The following CEP70 variants were observed in gnomAD, a reference collection of about 807,000 sequenced individuals.
The protein encoded by CEP70 is centrosomal protein of 70 kDa.
In CEP70, 70 loss-of-function variants were observed where a neutral mutation model predicts 90.9. The observed-to-expected ratio is 0.77, with a 90% CI of 0.64 to 0.94. CEP70 has a LOEUF of 0.94. Ranked by LOEUF, CEP70 falls within the 40% of genes least tolerant of loss-of-function variation. CEP70 has a pLI of 0.00. For synonymous variants in CEP70, 220 were observed against 228.3 expected, an observed-to-expected ratio of 0.96 and a Z score of 0.33; for missense variants, 648 against 669.0, an observed-to-expected ratio of 0.97 and a Z score of 0.35.
intron 17 of CEP70, chr3:138,496,132 T>C (rs933647458): frequency 9.1e-6 from 9 of 985,364 alleles, no homozygotes; most frequent in Non-Finnish European, 1.1e-5. Flanking sequence ...TAAGCCACAA[T>C]GGCAGGTTCT....
intron 11 of CEP70, among the ~76,000 whole-genome samples, chr3:138,509,703 T>C (rs2035341024): frequency 6.6e-6 from 1 of 152,148 alleles, no homozygotes. Context: ...TATTTTTTTT[T>C]AATGCTCACT....
intron 7 of CEP70, among the ~76,000 whole-genome samples, chr3:138,536,205 T>C (rs947065246): frequency 1.3e-5 from 2 of 152,106 alleles, no homozygotes; most frequent in African/African-American, 4.8e-5. Context: ...ATGTATATAA[T>C]ATCCATACTA....
intron 11 of CEP70, 67 bp from the exon 12 acceptor site, chr3:138,508,611 C>CT: frequency 1.0e-6 from 1 of 999,176 alleles, no homozygotes; most frequent in East Asian, 2.4e-5. Flanking sequence ...AGATGATAAA[C>CT]TAAGTCAATG....
intron 6 of CEP70, among the ~76,000 whole-genome samples, chr3:138,550,935 T>C (rs779064007): frequency 5.9e-5 from 9 of 152,192 alleles, no homozygotes; most frequent in Non-Finnish European, 1.3e-4. Context: ...TCTAAAAGTT[T>C]GGAAAACGTC....
intron 6 of CEP70, among the ~76,000 whole-genome samples, chr3:138,538,724 ATTCTTT>A (rs1192112831): frequency 1.3e-5 from 2 of 152,028 alleles, no homozygotes; most frequent in Non-Finnish European, 2.9e-5. Flanking sequence ...AAGAATCCTT[ATTCTTT>A]TTCTTTTTTT....
At chr3:138,534,699 A>T (rs574810416) in intron 7 of CEP70, among the ~76,000 whole-genome samples, 66 of 152,252 alleles carry the variant, frequency 4.3e-4, no homozygotes, top group African/African-American at 1.5e-3. Flanking sequence ...CTTTCTCTAT[A>T]TGGACTTTGG....
intron 11 of CEP70, among the ~76,000 whole-genome samples, chr3:138,523,100 A>C (rs2036840567): frequency 6.6e-6 from 1 of 152,234 alleles, no homozygotes; most frequent in Non-Finnish European, 1.5e-5. Flanking sequence ...AATCCGGCAT[A>C]TAAACAGAAC....
chr3:138,571,121 A>G lies in CEP70; in HGVS notation c.197T>C (p.Met66Thr), dbSNP rs987091184. ...CACCAACAATTTCAAATTCTGTCTC[A>G]TCCTTTGTGATGACTGTTTGTCAAA... Reference protein sequence around the residue: ...IIFDKQSSQRMRQNLKLLVEE... With the variant: ...IIFDKQSSQRTRQNLKLLVEE... Residue 66 changes from methionine (M) to threonine (T), a missense_variant, in exon 5 of 18, where the codon ATG becomes ACG. Physicochemically the swap from Met to Thr is moderately conservative, Grantham distance 81. Transcript: ENST00000264982. 7 of 1,600,586 alleles carry G rather than the reference A, an allele frequency of 4.4e-6. No individual in the cohort carries two copies. The African/African-American group carries it at 6.7e-5, about 15-fold the overall frequency.
chr3:138,568,980 T>TTTTTTTAAAAACAGACAAA (rs1231751423), intron 6 of CEP70, among the ~76,000 whole-genome samples: 1 of 148,788 alleles, frequency 6.7e-6, no homozygotes, highest in African/African-American at 2.5e-5. Context: ...TGAGACTCTG[T>TTTTTTTAAAAACAGACAAA]CTAAAAAAAC....
Position 138,500,408 on chromosome 3 carries a change from A to T in CEP70, c.1528T>A (p.Leu510Ile), listed in dbSNP as rs905112903. 15 of 1,584,240 alleles carry T rather than the reference A, an allele frequency of 9.5e-6. No individual in the cohort carries two copies. In the African/African-American group the frequency reaches 1.9e-4, roughly 20 times the overall value. The change falls in exon 15 of 18, where the codon TTA (leucine) becomes ATA (isoleucine). Residue 510 changes from leucine (L) to isoleucine (I), a missense_variant. Physicochemically the swap from Leu to Ile is conservative, Grantham distance 5 (BLOSUM62 2). Transcript: ENST00000264982. ...NNAVRNLQEL[L>I]ELDSSSSLCV... ...CAAATTAGGTCATCACCTAATTCTA[A>T]GAGTTCTTGGAGGTTTCTCACAGCA...
At chr3:138,518,039 C>T (rs1452864785) in intron 11 of CEP70, among the ~76,000 whole-genome samples, 6 of 152,336 alleles carry the variant, frequency 3.9e-5, no homozygotes, top group Admixed American at 2.0e-4. Flanking sequence ...GATTATATCC[C>T]GCACCTGGCT....
intron 10 of CEP70, 31 bp downstream of exon 10, chr3:138,529,167 GA>G (rs34094770): frequency 0.08 from 91,179 of 1,137,094 alleles, no homozygotes; most frequent in Admixed American, 0.088. Flanking sequence ...CCTGTCTCAG[GA>G]AAAAAAAAAA....
intron 6 of CEP70, 27 bp from the exon 7 acceptor site, chr3:138,537,374 TTA>T: frequency 6.8e-7 from 1 of 1,464,716 alleles, no homozygotes; most frequent in Non-Finnish European, 9.3e-7. Flanking sequence ...AAAAACATGA[TTA>T]TGATATGTAC....
At chr3:138,504,473 C>A (rs1334380635) in intron 13 of CEP70, among the ~76,000 whole-genome samples, 1 of 152,120 alleles carries the variant, frequency 6.6e-6, no homozygotes, top group African/African-American at 2.4e-5. Context: ...CTTCATGGAG[C>A]TTATACATTC....
chr3:138,570,586 C>T, intron 5 of CEP70, 88 bp from the exon 6 acceptor site: 3 of 1,007,488 alleles, frequency 3.0e-6, no homozygotes, highest in Middle Eastern at 2.1e-4. Flanking sequence ...TATTGCCTTT[C>T]TAAAGTTTCT....
At chr3:138,578,357 G>A (rs1475354553) in intron 2 of CEP70, among the ~76,000 whole-genome samples, 2 of 152,220 alleles carry the variant, frequency 1.3e-5, no homozygotes, top group East Asian at 3.8e-4. Flanking sequence ...TGATGGTTAT[G>A]AGAATGAGAG....
chr3:138,518,667 C>T (rs1283943855), intron 11 of CEP70, among the ~76,000 whole-genome samples: 2 of 152,086 alleles, frequency 1.3e-5, no homozygotes, highest in Admixed American at 6.5e-5. Flanking sequence ...ACATCCACAC[C>T]AAAACCCCAT....
intron 7 of CEP70, among the ~76,000 whole-genome samples, chr3:138,533,922 C>G (rs1222382827): frequency 1.3e-5 from 2 of 151,956 alleles, no homozygotes; most frequent in Admixed American, 1.3e-4. Flanking sequence ...GTAGCTGGGA[C>G]TACAGGCGCC....
chr3:138,558,018 T>C (rs190716647), intron 6 of CEP70, among the ~76,000 whole-genome samples: 167 of 152,312 alleles, frequency 1.1e-3, no homozygotes, highest in African/African-American at 3.8e-3. Flanking sequence ...TTTTTAAATC[T>C]GTTTGAAAGT....
Sources: gnomAD v4.1 joint callset for allele counts (sites outside exome capture counted in the v4.1 genomes callset) on GRCh38, gnomAD v4.1.1 for gene constraint, MANE v1.5 for transcripts, NCBI Gene and HGNC (gene_info 2026-07-23, HGNC 2026-07-21) for gene names.